The following PTPRK variants were observed in gnomAD, a reference collection of about 807,000 sequenced individuals.
PTPRK encodes the protein protein tyrosine phosphatase receptor type K.
PTPRK carries 75 observed loss-of-function variants against 178.0 expected under a neutral mutation model. The observed-to-expected ratio is 0.42, with a 90% CI of 0.35 to 0.51. The LOEUF (loss-of-function observed/expected upper bound fraction) is 0.51. Among genes scored for constraint, PTPRK ranks in the 20% least tolerant of loss-of-function variants. PTPRK has a pLI of 0.02. For synonymous variants in PTPRK, 637 were observed against 620.6 expected, an observed-to-expected ratio of 1.03 and a Z score of -0.39; for missense variants, 1,441 against 1,797.8, an observed-to-expected ratio of 0.80 and a Z score of 3.59.
intron 6 of PTPRK, among the ~76,000 whole-genome samples, chr6:128,204,305 A>G (rs537054919): frequency 2.4e-4 from 36 of 152,350 alleles, no homozygotes; most frequent in Middle Eastern, 3.4e-3. Flanking sequence ...TGTAAAACTC[A>G]AAACTATAAA....
chr6:128,379,783 A>T (rs1186370485), intron 2 of PTPRK, among the ~76,000 whole-genome samples: 2 of 152,188 alleles, frequency 1.3e-5, no homozygotes, highest in Non-Finnish European at 2.9e-5. Flanking sequence ...CTAGTTGGCT[A>T]GACAGAGGGA....
chr6:128,458,616 A>G (rs1472663591), intron 1 of PTPRK, among the ~76,000 whole-genome samples: 3 of 152,234 alleles, frequency 2.0e-5, no homozygotes, highest in Non-Finnish European at 4.4e-5. Flanking sequence ...CACACACAAA[A>G]TGGCAACTGT....
At chr6:128,424,112 A>C (rs1239783236) in intron 1 of PTPRK, among the ~76,000 whole-genome samples, 2 of 151,400 alleles carry the variant, frequency 1.3e-5, no homozygotes, top group African/African-American at 4.9e-5. Flanking sequence ...AGGTGCCTGT[A>C]GTCCCAGTTA....
chr6:128,098,316 C>G lies in PTPRK; in HGVS notation c.1163-8324G>C, dbSNP rs551068606. ...ACCAAATGGGGTCTGCTTCCCCATG[C>G]TTTGATTTTGGCCTTGCTGTGTGAC... On this transcript the variant is annotated intron_variant, in intron 7 of 29. Coordinates refer to ENST00000368226, the MANE Select transcript of PTPRK (RefSeq NM_002844.4). Among the ~76,000 whole-genome samples the G allele has an allele frequency of 4.6e-5, 7 of 152,238 alleles. No individual in the cohort carries two copies. The South Asian group carries it at 1.5e-3, about 32-fold the overall frequency.
intron 5 of PTPRK, among the ~76,000 whole-genome samples, chr6:128,220,653 C>T (rs1810233161): frequency 6.6e-6 from 1 of 152,222 alleles, no homozygotes; most frequent in South Asian, 2.1e-4. Flanking sequence ...TCTAGGTTTC[C>T]ACATTTGAAC....
intron 15 of PTPRK, chr6:128,003,235 G>A (rs1458951959): frequency 6.2e-7 from 1 of 1,603,238 alleles, no homozygotes. Context: ...ATTGGGCACT[G>A]CAGGAAAACA....
At chr6:128,238,296 G>A (rs190375078) in intron 5 of PTPRK, 2 of 351,036 alleles carry the variant, frequency 5.7e-6, no homozygotes, top group East Asian at 8.1e-5. Context: ...AAAATGGCAG[G>A]AGGAACATTT....
intron 6 of PTPRK, among the ~76,000 whole-genome samples, chr6:128,209,069 C>T (rs898762742): frequency 8.5e-5 from 13 of 152,066 alleles, no homozygotes; most frequent in Non-Finnish European, 1.8e-4. Flanking sequence ...CTCATTCTTT[C>T]TACCATAACC....
chr6:128,470,975 T>C (rs1166039123), intron 1 of PTPRK, among the ~76,000 whole-genome samples: 3 of 151,440 alleles, frequency 2.0e-5, no homozygotes, highest in Non-Finnish European at 4.4e-5. Context: ...ACAAGGAAAG[T>C]TAAAATCACA....
chr6:128,311,090 T>A (rs1177336695), intron 3 of PTPRK, among the ~76,000 whole-genome samples: 1 of 152,128 alleles, frequency 6.6e-6, no homozygotes, highest in Non-Finnish European at 1.5e-5. Context: ...AATAGACTTT[T>A]AAAAAATATG....
At chr6:128,146,717 C>T (rs984516321) in intron 7 of PTPRK, among the ~76,000 whole-genome samples, 3 of 151,962 alleles carry the variant, frequency 2.0e-5, no homozygotes, top group Admixed American at 1.3e-4. Flanking sequence ...CATGAGCCAC[C>T]GTGCCCAGCC....
At chr6:128,408,400 AC>A (rs1304967747) in intron 1 of PTPRK, among the ~76,000 whole-genome samples, 14 of 151,988 alleles carry the variant, frequency 9.2e-5, no homozygotes, top group South Asian at 2.1e-4. Context: ...AAACAAACAA[AC>A]AAAAACTACC....
intron 15 of PTPRK, chr6:128,003,211 G>C: frequency 6.2e-7 from 1 of 1,604,550 alleles, no homozygotes; most frequent in Non-Finnish European, 8.5e-7. Flanking sequence ...CACAGCAGTC[G>C]GTACAAGTGG....
chr6:128,079,230 G>A (rs909305605), intron 10 of PTPRK, among the ~76,000 whole-genome samples: 1 of 151,954 alleles, frequency 6.6e-6, no homozygotes, highest in African/African-American at 2.4e-5. Flanking sequence ...ATGATGGGAG[G>A]GAGGGAAGGT....
In PTPRK at chr6:127,976,930, A is replaced by G; in HGVS notation, c.3836T>C (p.Leu1279Ser). 1 of 1,614,110 alleles carries G rather than the reference A, an allele frequency of 6.2e-7. No homozygotes were observed. Among genetic ancestry groups the G allele is most frequent in the Non-Finnish European group, 8.5e-7 (1 of 1,180,008 alleles). Reference protein sequence around the residue: ...TSIVMLNEVDLSQGCPQYWPE... With the variant: ...TSIVMLNEVDSSQGCPQYWPE... ...CAATCCATAGCCATTAACCTGGGAC[A>G]AGTCGACTTCGTTTAACATCACAAT... Residue 1279 changes from leucine to serine, a missense_variant, in exon 26 of 30, where the codon TTG becomes TCG. Coordinates refer to ENST00000368226, the MANE Select transcript of PTPRK (RefSeq NM_002844.4).
In PTPRK at chr6:128,473,404, A is replaced by ATTT. The variant is rs67418131; in HGVS notation, c.100+46852_100+46854dup. On this transcript the variant is annotated intron_variant, in intron 1 of 29. Coordinates refer to ENST00000368226, the MANE Select transcript of PTPRK (RefSeq NM_002844.4). ...TCAGTTTTTCCACTATATGGTTACTATTTTTTTTTTTTTTTTTTTTTTTTG... is the reference window on the plus strand; with the variant it reads ...TCAGTTTTTCCACTATATGGTTACTATTTTTTTTTTTTTTTTTTTTTTTTTTTG... Among the ~76,000 whole-genome samples the ATTT allele has an allele frequency of 7.5e-3, 681 of 90,848 alleles. 7 individuals are homozygous for ATTT. Among genetic ancestry groups the ATTT allele is most frequent in the African/African-American group, 0.015 (347 of 22,672 alleles). 59.6% of individuals were successfully genotyped at this position (90,848 alleles called of 152,430 possible). A position where few individuals can be genotyped will look rare whatever the true frequency, so the allele number is the denominator to read the frequency against.
At chr6:128,380,380 T>A (rs1050373081) in intron 2 of PTPRK, among the ~76,000 whole-genome samples, 3 of 152,036 alleles carry the variant, frequency 2.0e-5, no homozygotes, top group Non-Finnish European at 4.4e-5. Context: ...AGTGGGAGTT[T>A]TGTTTCCCCT....
At chr6:128,499,714 C>T (rs1225010301) in intron 1 of PTPRK, among the ~76,000 whole-genome samples, 1 of 152,180 alleles carries the variant, frequency 6.6e-6, no homozygotes, top group Non-Finnish European at 1.5e-5. Context: ...TGCATTGTGA[C>T]TCAGTACACA....
At chr6:128,041,357 A>G (rs1367086573) in intron 13 of PTPRK, among the ~76,000 whole-genome samples, 2 of 152,088 alleles carry the variant, frequency 1.3e-5, no homozygotes, top group Non-Finnish European at 2.9e-5. Flanking sequence ...ACATTTCATT[A>G]AAAACTGAAT....
Sources: gnomAD v4.1 joint callset for allele counts (sites outside exome capture counted in the v4.1 genomes callset) on GRCh38, gnomAD v4.1.1 for gene constraint, MANE v1.5 for transcripts, NCBI Gene and HGNC (gene_info 2026-07-23, HGNC 2026-07-21) for gene names.